Variants in LSAMP observed in about 807,000 individuals in gnomAD.
LSAMP encodes the protein limbic system-associated membrane protein.
Under a neutral mutation model 38.6 loss-of-function variants are expected in LSAMP, and 7 were observed. The observed-to-expected ratio is 0.18, with a 90% confidence interval of 0.10 to 0.34. The LOEUF is 0.34. LSAMP is among the 10% of genes least tolerant of loss of function. The pLI is 1.00. For missense variants in LSAMP, 313 were observed against 420.0 expected (o/e 0.75, Z 2.23); for synonymous variants, 154 against 166.8 (o/e 0.92, Z 0.59).
chr3:116,273,449 C>T (rs944673102), intron 1 of LSAMP, among the ~76,000 whole-genome samples: 3 of 150,564 alleles, frequency 2.0e-5, no homozygotes, highest in African/African-American at 7.3e-5. Flanking sequence ...AATTCAACCC[C>T]AGAAATACTT....
chr3:116,004,480 G>GCATA (rs5851986), intron 3 of LSAMP, among the ~76,000 whole-genome samples: 56,176 of 147,882 alleles, frequency 0.38, 10,713 homozygotes, highest in Admixed American at 0.41. Context: ...ACACTATTAT[G>GCATA]CATACATACA....
intron 1 of LSAMP, among the ~76,000 whole-genome samples, chr3:116,318,073 T>G (rs912300564): frequency 1.4e-5 from 2 of 147,586 alleles, no homozygotes; most frequent in Non-Finnish European, 3.0e-5. Context: ...GAGGCGGAGG[T>G]TGCAGTGAGC....
intron 6 of LSAMP, among the ~76,000 whole-genome samples, chr3:115,828,813 G>A (rs1474704050): frequency 6.6e-6 from 1 of 152,096 alleles, no homozygotes; most frequent in Non-Finnish European, 1.5e-5. Context: ...GTGGAAGCTT[G>A]GATTTTTGTT....
chr3:116,427,412 G>A (rs962400561), intron 1 of LSAMP, among the ~76,000 whole-genome samples: 1 of 152,224 alleles, frequency 6.6e-6, no homozygotes, highest in Middle Eastern at 3.4e-3. Context: ...GAGCCACCGC[G>A]CCCGGCCCAA....
intron 6 of LSAMP, among the ~76,000 whole-genome samples, chr3:115,811,583 T>C (rs1933834964): frequency 6.8e-6 from 1 of 147,536 alleles, no homozygotes; most frequent in Non-Finnish European, 1.5e-5. Context: ...TGTGTGTGTG[T>C]GTAAAACTAT....
At chr3:116,323,859 T>G (rs2047737801) in intron 1 of LSAMP, among the ~76,000 whole-genome samples, 1 of 152,150 alleles carries the variant, frequency 6.6e-6, no homozygotes. Context: ...TCTTTATGTA[T>G]TGCTCATGAA....
At chr3:115,819,193 C>T (rs1934145051) in intron 6 of LSAMP, among the ~76,000 whole-genome samples, 2 of 151,930 alleles carry the variant, frequency 1.3e-5, no homozygotes, top group African/African-American at 4.8e-5. Flanking sequence ...CGCCTGTAAT[C>T]CCAGCACTTT....
At chr3:116,384,353 A>G (rs969005383) in intron 1 of LSAMP, among the ~76,000 whole-genome samples, 4 of 152,110 alleles carry the variant, frequency 2.6e-5, no homozygotes, top group Non-Finnish European at 5.9e-5. Flanking sequence ...AGTTGTTCTC[A>G]ACAGTCTGTA....
intron 1 of LSAMP, among the ~76,000 whole-genome samples, chr3:116,126,424 C>T (rs116325048): frequency 1.3e-5 from 2 of 152,300 alleles, no homozygotes; most frequent in African/African-American, 2.4e-5. Flanking sequence ...AGTGTTGATT[C>T]GAGACCTAAT....
At chr3:116,180,231 A>T (rs1274572235) in intron 1 of LSAMP, among the ~76,000 whole-genome samples, 1 of 152,164 alleles carries the variant, frequency 6.6e-6, no homozygotes, top group South Asian at 2.1e-4. Flanking sequence ...TTAGAGTTCA[A>T]CTGAGGCAAT....
At chr3:116,128,761 T>C (rs1016271278) in intron 1 of LSAMP, among the ~76,000 whole-genome samples, 5 of 151,982 alleles carry the variant, frequency 3.3e-5, no homozygotes, top group African/African-American at 7.2e-5. Flanking sequence ...AGACCCAATG[T>C]ACTTCTTCAG....
intron 1 of LSAMP, among the ~76,000 whole-genome samples, chr3:116,111,587 A>C (rs1465875023): frequency 1.3e-5 from 2 of 151,662 alleles, no homozygotes; most frequent in Admixed American, 6.5e-5. Context: ...ATGGTTTATC[A>C]CCTTAGTAGT....
intron 3 of LSAMP, among the ~76,000 whole-genome samples, chr3:115,945,946 AAG>A (rs2107567978): frequency 1.3e-5 from 2 of 152,294 alleles, no homozygotes; most frequent in African/African-American, 4.8e-5. Context: ...TAAATACAAT[AAG>A]AGTTTGAAAG....
intron 3 of LSAMP, among the ~76,000 whole-genome samples, chr3:115,953,136 A>G (rs1393407955): frequency 1.3e-5 from 2 of 152,080 alleles, no homozygotes; most frequent in Admixed American, 6.6e-5. Context: ...GCCATGGGGT[A>G]TCTCCTTCGT....
At chr3:115,905,392 GA>G (rs561768308) in intron 3 of LSAMP, among the ~76,000 whole-genome samples, 8 of 151,654 alleles carry the variant, frequency 5.3e-5, no homozygotes, top group African/African-American at 1.9e-4. Context: ...ATGGCATCCT[GA>G]AAAAAAATCA....
chr3:115,980,282 G>T (rs901682192), intron 3 of LSAMP, among the ~76,000 whole-genome samples: 1 of 152,146 alleles, frequency 6.6e-6, no homozygotes, highest in Non-Finnish European at 1.5e-5. Context: ...AAATACTAAA[G>T]AAGATTGTAA....
At chr3:116,253,494 A>T (rs370443182) in intron 1 of LSAMP, among the ~76,000 whole-genome samples, 120 of 152,294 alleles carry the variant, frequency 7.9e-4, no homozygotes, top group African/African-American at 2.8e-3. Context: ...GTCTTTGCAG[A>T]TGGTAATTCA....
In LSAMP at chr3:116,255,909, A is replaced by AT. The variant is rs899869005; in HGVS notation, c.156-169354dup. 1.1e-3 allele frequency among the ~76,000 whole-genome samples: 172 copies of AT among 151,972 alleles called. 3 individuals carry two copies. Among genetic ancestry groups the AT allele is most frequent in the South Asian group, 6.8e-3 (33 of 4,818 alleles). ...TGCTGAGAGGTTTGTTTATTTATTT[A>AT]TTTTTTTTGGTGACACATTGAATAA... On this transcript the variant is annotated intron_variant, in intron 1 of 6. Transcript: ENST00000490035.
chr3:116,094,568 T>A (rs1410255940), intron 1 of LSAMP, among the ~76,000 whole-genome samples: 1 of 152,228 alleles, frequency 6.6e-6, no homozygotes, highest in African/African-American at 2.4e-5. Context: ...AATGGCTACA[T>A]GCACACACAG....
Sources: allele counts gnomAD v4.1 joint callset (sites outside exome capture counted in the v4.1 genomes callset), GRCh38; gene constraint gnomAD v4.1.1; transcripts MANE v1.5; gene names NCBI Gene and HGNC (gene_info 2026-07-23, HGNC 2026-07-21).